CLDN14: variants seen among roughly 807,000 people sequenced by gnomAD.
CLDN14 encodes the protein claudin-14.
A neutral mutation model predicts 2.1 loss-of-function variants in CLDN14; 2 were observed. That is an observed-to-expected ratio of 0.96 (90% CI 0.39 to 3.01). CLDN14 has a LOEUF of 3.01. Ranked by LOEUF, CLDN14 falls within the 30% of genes most tolerant of loss-of-function variation. The pLI, the probability that CLDN14 is intolerant of heterozygous loss-of-function variation, is 0.09. For synonymous variants in CLDN14, 136 were observed against 154.4 expected, an observed-to-expected ratio of 0.88 and a Z score of 0.88; for missense variants, 298 against 328.0, an observed-to-expected ratio of 0.91 and a Z score of 0.71.
intron 2 of CLDN14, among the ~76,000 whole-genome samples, chr21:36,500,998 T>G (rs1228570358): frequency 6.6e-6 from 1 of 152,246 alleles, no homozygotes; most frequent in Non-Finnish European, 1.5e-5. Context: ...AGAGCTTAAA[T>G]CAGCGGCCCA....
At chr21:36,571,364 A>T (rs2087709099) in intron 1 of CLDN14, among the ~76,000 whole-genome samples, 1 of 152,202 alleles carries the variant, frequency 6.6e-6, no homozygotes, top group South Asian at 2.1e-4. Flanking sequence ...TTGTGCAATG[A>T]AGGTGCTTTT....
Position 36,486,742 on chromosome 21 carries a change from A to G in CLDN14, c.-82+23621T>C, listed in dbSNP as rs1028757674. ...TAGCCAGTTTCACCAGATCCTTCTC[A>G]TTGCCTTTGGGCTTCCCACGAAGGC... On this transcript the variant is annotated intron_variant, in intron 2 of 2. Coordinates refer to the CLDN14 transcript ENST00000342108. 3 of 989,620 alleles carry G rather than the reference A, an allele frequency of 3.0e-6. No individual in the cohort carries two copies. In the African/African-American group the frequency reaches 4.8e-5, roughly 16 times the overall value. The allele number at this position is 989,620 out of a possible 1,614,324, so 61.3% of individuals were successfully genotyped here. A position where few individuals can be genotyped will look rare whatever the true frequency, so the allele number is the denominator to read the frequency against.
At chr21:36,490,449 C>T (rs190828205) in intron 2 of CLDN14, among the ~76,000 whole-genome samples, 142 of 137,364 alleles carry the variant, frequency 1.0e-3, no homozygotes, top group African/African-American at 3.3e-3. Flanking sequence ...ACTGCAGTGG[C>T]GTGATCTTGG....
chr21:36,493,114 G>A (rs990158984), intron 2 of CLDN14, among the ~76,000 whole-genome samples: 4 of 152,158 alleles, frequency 2.6e-5, no homozygotes, highest in South Asian at 2.1e-4. Flanking sequence ...TTTGTTTACC[G>A]GTTTGTTTTT....
At chr21:36,477,732 A>G (rs984888685) in intron 1 of CLDN14, among the ~76,000 whole-genome samples, 3 of 152,226 alleles carry the variant, frequency 2.0e-5, no homozygotes, top group Admixed American at 2.0e-4. Context: ...GTCACCCGAC[A>G]GGGAGAGATA....
chr21:36,490,262 G>A (rs538310201), intron 2 of CLDN14, among the ~76,000 whole-genome samples: 1 of 152,248 alleles, frequency 6.6e-6, no homozygotes, highest in African/African-American at 2.4e-5. Flanking sequence ...GGAGTGCAAT[G>A]GCTCGACCGT....
In CLDN14 at chr21:36,515,789, C is replaced by CT. The variant is rs1555850517; in HGVS notation, c.-219-5290dup. Among the ~76,000 whole-genome samples, 361 of 115,312 alleles carry CT rather than the reference C, an allele frequency of 3.1e-3. 15 individuals are homozygous for CT. Among genetic ancestry groups the CT allele is most frequent in the Middle Eastern group, 0.01 (2 of 200 alleles). The allele number at this position is 115,312 out of a possible 152,430, so 75.6% of individuals were successfully genotyped here. ...AAGCTGTGTTTCCCTTTTATCTTCT[C>CT]TTTTTTTTTTTTTTTGAGACAGAGT... On this transcript the variant is annotated intron_variant, in intron 1 of 2. Coordinates refer to the CLDN14 transcript ENST00000342108.
chr21:36,522,271 A>G (rs1356815833), intron 1 of CLDN14, among the ~76,000 whole-genome samples: 1 of 152,088 alleles, frequency 6.6e-6, no homozygotes, highest in African/African-American at 2.4e-5. Context: ...GCATATTATT[A>G]CCCCTGTGGG....
At chr21:36,489,131 A>AAAAAATATAT in intron 2 of CLDN14, among the ~76,000 whole-genome samples, 19 of 62,744 alleles carry the variant, frequency 3.0e-4, no homozygotes, top group South Asian at 1.2e-3. Flanking sequence ...AAAAAAAAAA[A>AAAAAATATAT]ATATATATAT....
intron 2 of CLDN14, among the ~76,000 whole-genome samples, chr21:36,488,851 G>A (rs1331632248): frequency 6.6e-5 from 10 of 152,012 alleles, no homozygotes; most frequent in South Asian, 2.1e-4. Flanking sequence ...GAAAGAGGCC[G>A]CGCACAGTGG....
At chr21:36,555,868 T>A (rs1416361544) in intron 1 of CLDN14, among the ~76,000 whole-genome samples, 2 of 151,586 alleles carry the variant, frequency 1.3e-5, no homozygotes, top group Admixed American at 6.6e-5. Flanking sequence ...AGAGAGTGTG[T>A]GTGTGTGTGC....
chr21:36,482,375 T>C (rs549513247), upstream of CLDN14, among the ~76,000 whole-genome samples: 338 of 131,534 alleles, frequency 2.6e-3, no homozygotes, highest in South Asian at 0.016. Context: ...GACTGACGGA[T>C]GGATGGATGG....
At chr21:36,563,734 G>A (rs1568882738) in intron 1 of CLDN14, among the ~76,000 whole-genome samples, 1 of 152,162 alleles carries the variant, frequency 6.6e-6, no homozygotes, top group Admixed American at 6.5e-5. Context: ...GTGGAGATGC[G>A]AAAGACACGT....
At chr21:36,566,410 C>T (rs1268210162) in intron 1 of CLDN14, among the ~76,000 whole-genome samples, 1 of 152,182 alleles carries the variant, frequency 6.6e-6, no homozygotes, top group Non-Finnish European at 1.5e-5. Flanking sequence ...TCAAATATCA[C>T]CCAGCCCTAT....
At chr21:36,501,368 T>TTTTTTTTTG (rs1601614064) in intron 2 of CLDN14, among the ~76,000 whole-genome samples, 1 of 117,778 alleles carries the variant, frequency 8.5e-6, no homozygotes, top group Admixed American at 9.0e-5. Flanking sequence ...TTTTTTTTTT[T>TTTTTTTTTG]AGAAAAGTGA....
intron 1 of CLDN14, among the ~76,000 whole-genome samples, chr21:36,519,808 C>A (rs1246687100): frequency 6.6e-6 from 1 of 152,162 alleles, no homozygotes; most frequent in Non-Finnish European, 1.5e-5. Flanking sequence ...AGGGGACATG[C>A]CACTGATGAG....
At chr21:36,553,890 G>A (rs1031996927) in intron 1 of CLDN14, among the ~76,000 whole-genome samples, 1 of 152,170 alleles carries the variant, frequency 6.6e-6, no homozygotes, top group Admixed American at 6.5e-5. Context: ...TGTTGACTCT[G>A]TTTAGCCACC....
At chr21:36,474,031 G>A (rs2146437405) in intron 1 of CLDN14, among the ~76,000 whole-genome samples, 1 of 152,298 alleles carries the variant, frequency 6.6e-6, no homozygotes, top group East Asian at 1.9e-4. Context: ...GTGGGTTCAA[G>A]AGAGAATAGG....
intron 1 of CLDN14, among the ~76,000 whole-genome samples, chr21:36,548,444 C>A (rs1242249867): frequency 6.6e-6 from 1 of 152,184 alleles, no homozygotes; most frequent in African/African-American, 2.4e-5. Flanking sequence ...ACACAAACAG[C>A]CCCGCCCCAG....
Sources: gnomAD v4.1 joint callset for allele counts (sites outside exome capture counted in the v4.1 genomes callset) on GRCh38, gnomAD v4.1.1 for gene constraint, MANE v1.5 for transcripts, NCBI Gene and HGNC (gene_info 2026-07-23, HGNC 2026-07-21) for gene names.